SRGAP3: variants seen among roughly 807,000 people sequenced by gnomAD.
SRGAP3 encodes SLIT-ROBO Rho GTPase-activating protein 3.
A neutral mutation model predicts 121.1 loss-of-function variants in SRGAP3; 39 were observed. The ratio of observed to expected loss-of-function variants is 0.32; its 90% CI spans 0.25 to 0.42. The LOEUF (loss-of-function observed/expected upper bound fraction) is 0.42, where lower values mean the gene tolerates loss of function less well. Among genes scored for constraint, SRGAP3 ranks in the 10% least tolerant of loss-of-function variants. SRGAP3 has a pLI of 1.00. For missense variants in SRGAP3, 1,213 were observed against 1,470.6 expected, an observed-to-expected ratio of 0.82 and a Z score of 2.86; for synonymous variants, 601 against 570.0, an observed-to-expected ratio of 1.05 and a Z score of -0.77.
chr3:9,112,480 C>T (rs1164987534), intron 2 of SRGAP3, among the ~76,000 whole-genome samples: 1 of 152,250 alleles, frequency 6.6e-6, no homozygotes, highest in African/African-American at 2.4e-5. Flanking sequence ...ACACTTCCCA[C>T]TTCGTGGAGC....
intron 1 of SRGAP3, among the ~76,000 whole-genome samples, chr3:9,180,192 G>C (rs181932025): frequency 1.3e-5 from 2 of 152,138 alleles, no homozygotes; most frequent in Non-Finnish European, 2.9e-5. Flanking sequence ...CAGTCACCTC[G>C]GCAGTGCAGG....
chr3:9,276,094 G>T (rs981515870), intron 3 of SRGAP3, among the ~76,000 whole-genome samples: 1 of 152,080 alleles, frequency 6.6e-6, no homozygotes, highest in African/African-American at 2.4e-5. Flanking sequence ...AACATGTATT[G>T]AATGAATGAA....
At chr3:9,140,358 T>A (rs994480004) in intron 1 of SRGAP3, among the ~76,000 whole-genome samples, 1 of 152,102 alleles carries the variant, frequency 6.6e-6, no homozygotes, top group African/African-American at 2.4e-5. Context: ...ATGACAAAAG[T>A]AGGTTACAAA....
intron 18 of SRGAP3, among the ~76,000 whole-genome samples, chr3:9,004,807 T>TA (rs1942971361): frequency 6.6e-6 from 1 of 152,188 alleles, no homozygotes; most frequent in Admixed American, 6.5e-5. Context: ...CCTAAAACTC[T>TA]AAAACTCTTA....
chr3:9,269,511 C>T (rs777801599), intron 3 of SRGAP3, among the ~76,000 whole-genome samples: 3 of 152,196 alleles, frequency 2.0e-5, no homozygotes, highest in Non-Finnish European at 2.9e-5. Context: ...AAGTGCCAGC[C>T]TTCTGTGTTA....
intron 3 of SRGAP3, among the ~76,000 whole-genome samples, chr3:9,306,421 G>C (rs988860166): frequency 2.6e-5 from 4 of 152,166 alleles, no homozygotes; most frequent in Admixed American, 2.0e-4. Flanking sequence ...AGTTTAATTA[G>C]ATCCCATTTG....
At chr3:9,005,200 G>C (rs914952671) in intron 18 of SRGAP3, among the ~76,000 whole-genome samples, 2 of 152,168 alleles carry the variant, frequency 1.3e-5, no homozygotes, top group African/African-American at 2.4e-5. Flanking sequence ...AGTCATCAGA[G>C]AAATTCAAAT....
intron 1 of SRGAP3, among the ~76,000 whole-genome samples, chr3:9,143,784 C>T (rs145981594): frequency 1.3e-5 from 2 of 152,254 alleles, no homozygotes; most frequent in Non-Finnish European, 2.9e-5. Flanking sequence ...TGAAACTCCA[C>T]CACTGCCCCA....
At chr3:9,325,596 C>T (rs1955504836) in intron 3 of SRGAP3, among the ~76,000 whole-genome samples, 1 of 151,814 alleles carries the variant, frequency 6.6e-6, no homozygotes, top group African/African-American at 2.4e-5. Flanking sequence ...CATCCTAAAT[C>T]CTGGGAAAAG....
chr3:9,042,337 A>G (rs924897144), intron 10 of SRGAP3, among the ~76,000 whole-genome samples: 3 of 151,990 alleles, frequency 2.0e-5, no homozygotes, highest in African/African-American at 7.2e-5. Flanking sequence ...ACACATGGCT[A>G]GTGGCCACCA....
In SRGAP3 at chr3:9,339,241, C is replaced by G. The variant is rs115222083; in HGVS notation, n.215-8645G>C. On this transcript the variant is annotated intron_variant and non_coding_transcript_variant, in intron 1 of 3. Coordinates refer to the SRGAP3 transcript ENST00000490889. ...TACCTTATTCATTTGTTTATGCATT[C>G]ATACATACCTTCATTCAGCAAATAC... Among the ~76,000 whole-genome samples, 674 of 152,328 alleles carry G rather than the reference C, an allele frequency of 4.4e-3. 9 individuals carry two copies. Among genetic ancestry groups the G allele is most frequent in the Non-Finnish European group, 6.1e-3 (417 of 68,030 alleles).
intron 1 of SRGAP3, among the ~76,000 whole-genome samples, chr3:9,234,952 T>C (rs1005657271): frequency 1.3e-5 from 2 of 152,136 alleles, no homozygotes; most frequent in Admixed American, 1.3e-4. Context: ...AATAAGACTG[T>C]CAGGGATGGG....
Position 9,109,672 on chromosome 3 carries a change from CAGTCAT to C in SRGAP3, c.261-4836_261-4831del, listed in dbSNP as rs1948545574. Among the ~76,000 whole-genome samples the C allele has an allele frequency of 6.6e-6, 1 of 152,108 alleles. No homozygotes were observed. Among genetic ancestry groups the C allele is most frequent in the Non-Finnish European group, 1.5e-5 (1 of 68,022 alleles). On this transcript the variant is annotated intron_variant, in intron 2 of 21. Coordinates refer to ENST00000383836, the MANE Select transcript of SRGAP3 (RefSeq NM_014850.4). The surrounding 1 kb of genome is among the most constrained non-coding windows in gnomAD (Gnocchi z 4.4). Reference sequence around the variant, plus strand: ...AAGTGATGAGGCAGCCTCATCAGTGCAGTCATGGGAAGGAGGCTATGGAGCAGAGAG... The same window carrying C: ...AAGTGATGAGGCAGCCTCATCAGTGCGGGAAGGAGGCTATGGAGCAGAGAG...
chr3:9,175,276 C>T (rs372718626), intron 1 of SRGAP3, among the ~76,000 whole-genome samples: 52 of 152,312 alleles, frequency 3.4e-4, no homozygotes, highest in Middle Eastern at 6.8e-3. Context: ...CTTCACCTGT[C>T]TTATACTTTG....
chr3:9,163,543 G>T (rs1950675072), intron 1 of SRGAP3, among the ~76,000 whole-genome samples: 1 of 152,198 alleles, frequency 6.6e-6, no homozygotes, highest in Non-Finnish European at 1.5e-5. Context: ...TTTAAGCCAT[G>T]CGGCCACTCA....
intron 1 of SRGAP3, among the ~76,000 whole-genome samples, chr3:9,333,575 G>A (rs1209306584): frequency 3.3e-5 from 5 of 152,034 alleles, no homozygotes; most frequent in African/African-American, 4.8e-5. Context: ...GCATTTCTCC[G>A]GTGGTGGCAC....
Position 8,994,441 on chromosome 3 carries a change from C to A in SRGAP3, c.2310G>T (p.Ser770=). 6.2e-7 allele frequency: 1 copy of A among 1,614,192 alleles called. No individual in the cohort carries two copies. Among genetic ancestry groups the A allele is most frequent in the Non-Finnish European group, 8.5e-7 (1 of 1,180,042 alleles). ...CCGAGGCGCGGTGGTACAGGAGCAG[C>A]GAGGCCCCCTTCTTGAAGGATAGCT... ...PRELSFKKGA[S]LLLYHRASED... is the part of the protein sequence containing the mutation. Residue 770 remains serine, a synonymous_variant, in exon 19 of 22, where the codon TCG becomes TCT. Transcript: ENST00000383836.
intron 10 of SRGAP3, among the ~76,000 whole-genome samples, chr3:9,040,607 A>T (rs1334885592): frequency 1.3e-5 from 2 of 152,002 alleles, no homozygotes; most frequent in African/African-American, 4.8e-5. Context: ...TTGTCCGCTC[A>T]GGCTGGAGTG....
At position 9,246,092 on chromosome 3, in the gene SRGAP3, T is replaced by C. The variant is rs185960391; in HGVS notation, c.67+2793A>G. ...GTATCTGATGAGGCAAGAGAAGGCA[T>C]GAATCCTTCTATTTTACAATAGAAA... On this transcript the variant is annotated intron_variant, in intron 1 of 21. Coordinates refer to ENST00000383836, the MANE Select transcript of SRGAP3 (RefSeq NM_014850.4). 3.3e-5 allele frequency among the ~76,000 whole-genome samples: 5 copies of C among 152,338 alleles called. No homozygotes were observed. In the East Asian group the frequency reaches 7.7e-4, roughly 23 times the overall value.
Sources: allele counts gnomAD v4.1 joint callset (sites outside exome capture counted in the v4.1 genomes callset), GRCh38; gene constraint gnomAD v4.1.1; non-coding constraint Gnocchi (gnomAD v3.1); transcripts MANE v1.5; gene names NCBI Gene and HGNC (gene_info 2026-07-23, HGNC 2026-07-21).